MGST1: variants seen among roughly 807,000 people sequenced by gnomAD.
The protein encoded by MGST1 is glutathione S-transferase 12.
In MGST1, 5 loss-of-function variants were observed where a neutral mutation model predicts 8.9. The observed-to-expected ratio is 0.56, with a 90% CI of 0.29 to 1.19. The LOEUF is 1.19. MGST1 is among the 50% of genes most tolerant of loss of function. MGST1 has a pLI of 0.08. For synonymous variants in MGST1, 54 were observed against 67.8 expected (o/e 0.80, Z 1.00); for missense variants, 182 against 187.4 (o/e 0.97, Z 0.17).
At chr12:16,432,281 G>A (rs866795318) in intron 1 of MGST1, among the ~76,000 whole-genome samples, 2 of 152,208 alleles carry the variant, frequency 1.3e-5, no homozygotes, top group African/African-American at 2.4e-5. Flanking sequence ...ATTCAATGTC[G>A]TTCTGCCAGA....
rs1941839233 is a variant in MGST1, at chr12:16,547,452, A to AAGG, written n.483-42076_483-42075insAGG. Among the ~76,000 whole-genome samples the AAGG allele has an allele frequency of 6.6e-6, 1 of 152,180 alleles. No individual in the cohort carries two copies. Among genetic ancestry groups the AAGG allele is most frequent in the African/African-American group, 2.4e-5 (1 of 41,446 alleles). On this transcript the variant is annotated intron_variant and non_coding_transcript_variant, in intron 4 of 4. Transcript: ENST00000538857. This position sits in a 1 kb window ranked among gnomAD's most constrained non-coding sequence, Gnocchi z 4.6. ...GATATTTTCTGGGGCTTTCATATCA[A>AAGG]TAACATGCTGGAGAGGTAGAAGATG...
intron 1 of MGST1, chr12:16,399,334 G>C (rs1227505649): frequency 1.9e-5 from 31 of 1,592,652 alleles, no homozygotes; most frequent in Non-Finnish European, 2.5e-5. Context: ...TTGGAACCAC[G>C]GTTAGAGCCA....
chr12:16,427,879 T>C (rs1032251190), intron 1 of MGST1, among the ~76,000 whole-genome samples: 9 of 152,170 alleles, frequency 5.9e-5, no homozygotes, highest in Non-Finnish European at 1.2e-4. Flanking sequence ...TTTCTATGAC[T>C]CACCTGTTCT....
chr12:16,387,073 G>T (rs139356389), intron 1 of MGST1, among the ~76,000 whole-genome samples: 1 of 152,106 alleles, frequency 6.6e-6, no homozygotes, highest in Non-Finnish European at 1.5e-5. Context: ...ACTAGTTATT[G>T]CTGTTAAATC....
At chr12:16,519,851 A>G (rs1210624825) in intron 4 of MGST1, among the ~76,000 whole-genome samples, 1 of 152,162 alleles carries the variant, frequency 6.6e-6, no homozygotes, top group Non-Finnish European at 1.5e-5. Context: ...AAACCATGCC[A>G]TCATTCTCTA....
intron 4 of MGST1, among the ~76,000 whole-genome samples, chr12:16,449,257 G>T (rs1329484997): frequency 2.6e-5 from 4 of 152,012 alleles, no homozygotes; most frequent in African/African-American, 9.6e-5. Context: ...CGGGAGGTCA[G>T]TGTATCACAT....
At chr12:16,483,706 C>T (rs1480874388) in intron 4 of MGST1, among the ~76,000 whole-genome samples, 1 of 152,060 alleles carries the variant, frequency 6.6e-6, no homozygotes, top group Non-Finnish European at 1.5e-5. Context: ...CCTTAAGACA[C>T]ACAAAGCAAA....
At chr12:16,396,470 C>T (rs1940606868) in intron 1 of MGST1, among the ~76,000 whole-genome samples, 1 of 152,032 alleles carries the variant, frequency 6.6e-6, no homozygotes, top group African/African-American at 2.4e-5. Flanking sequence ...AAAGGGTATC[C>T]AAATCGGTAA....
chr12:16,387,358 C>G (rs997561835), intron 1 of MGST1, among the ~76,000 whole-genome samples: 2 of 152,014 alleles, frequency 1.3e-5, no homozygotes, highest in Non-Finnish European at 2.9e-5. Flanking sequence ...CATTACTCCC[C>G]TCTTTATGTT....
rs770611400 is a variant in MGST1, at chr12:16,547,059, T to C, written n.483-42469T>C. 2.6e-5 allele frequency among the ~76,000 whole-genome samples: 4 copies of C among 152,152 alleles called. No homozygotes were observed. Among genetic ancestry groups the C allele is most frequent in the Non-Finnish European group, 4.4e-5 (3 of 68,026 alleles). On this transcript the variant is annotated intron_variant and non_coding_transcript_variant, in intron 4 of 4. Transcript: ENST00000538857. The surrounding 1 kb of genome is among the most constrained non-coding windows in gnomAD (Gnocchi z 4.6). ...AAAAGTAAAAATATACCTTTCTGAA[T>C]AATACTTTTCTAATAGCATGGCCTC...
intron 3 of MGST1, among the ~76,000 whole-genome samples, chr12:16,372,244 C>A (rs770577220): frequency 6.6e-6 from 1 of 151,868 alleles, no homozygotes; most frequent in Non-Finnish European, 1.5e-5. Context: ...AAGAGACAAC[C>A]TACAAAATGG....
chr12:16,566,492 T>C (rs1408870056), intron 4 of MGST1, among the ~76,000 whole-genome samples: 1 of 152,018 alleles, frequency 6.6e-6, no homozygotes, highest in Non-Finnish European at 1.5e-5. Flanking sequence ...ACAAAATATA[T>C]ATGCATTGAA....
chr12:16,463,243 A>C (rs1034064727), intron 4 of MGST1, among the ~76,000 whole-genome samples: 17 of 152,002 alleles, frequency 1.1e-4, no homozygotes, highest in Non-Finnish European at 2.4e-4. Context: ...CAGTGGTGCT[A>C]TCATGGCTCG....
chr12:16,386,135 C>T (rs1940501927), intron 1 of MGST1, among the ~76,000 whole-genome samples: 1 of 152,152 alleles, frequency 6.6e-6, no homozygotes, highest in Non-Finnish European at 1.5e-5. Context: ...GCGAGGTTTG[C>T]ACTGGTCAAT....
intron 4 of MGST1, among the ~76,000 whole-genome samples, chr12:16,466,415 T>C (rs1941255542): frequency 6.6e-6 from 1 of 152,192 alleles, no homozygotes; most frequent in Admixed American, 6.5e-5. Context: ...AACTGAAGCT[T>C]GATAGGACAC....
intron 4 of MGST1, among the ~76,000 whole-genome samples, chr12:16,451,692 G>T (rs1168108266): frequency 1.3e-5 from 2 of 151,658 alleles, no homozygotes; most frequent in East Asian, 1.9e-4. Context: ...TGGTGGAAAA[G>T]GTTTTATAAG....
intron 4 of MGST1, among the ~76,000 whole-genome samples, chr12:16,565,375 TA>T (rs1418656721): frequency 1.3e-5 from 2 of 152,212 alleles, no homozygotes; most frequent in Non-Finnish European, 2.9e-5. Context: ...CTTTTTCAAC[TA>T]AGGAAGGTAG....
chr12:16,492,881 G>C (rs1306131354), intron 4 of MGST1, among the ~76,000 whole-genome samples: 2 of 152,096 alleles, frequency 1.3e-5, no homozygotes, highest in Admixed American at 1.3e-4. Flanking sequence ...TAAGACACAA[G>C]CTACTCTAAA....
downstream of MGST1, among the ~76,000 whole-genome samples, chr12:16,591,929 T>C (rs1037460942): frequency 2.6e-5 from 4 of 152,198 alleles, no homozygotes; most frequent in East Asian, 5.8e-4. The surrounding 1 kb of genome is among the most constrained non-coding windows in gnomAD (Gnocchi z 4.1). Flanking sequence ...TCTATATTGG[T>C]TCCATGGGAC....
Sources: allele counts gnomAD v4.1 joint callset (sites outside exome capture counted in the v4.1 genomes callset), GRCh38; gene constraint gnomAD v4.1.1; non-coding constraint Gnocchi (gnomAD v3.1); transcripts MANE v1.5; gene names NCBI Gene and HGNC (gene_info 2026-07-23, HGNC 2026-07-21).